The following FRMPD4 variants were observed in gnomAD, a reference collection of about 807,000 sequenced individuals.
FRMPD4 encodes the protein FERM and PDZ domain containing 4.
A neutral mutation model predicts 94.1 loss-of-function variants in FRMPD4; 22 were observed. The ratio of observed to expected loss-of-function variants is 0.23; its 90% CI spans 0.17 to 0.33. The LOEUF (loss-of-function observed/expected upper bound fraction) is 0.33, where lower values mean the gene tolerates loss of function less well. Ranked by LOEUF, FRMPD4 falls within the 10% of genes least tolerant of loss-of-function variation. FRMPD4 has a pLI of 1.00. For missense variants in FRMPD4, 1,111 were observed against 1,339.9 expected (o/e 0.83, Z 2.67); for synonymous variants, 631 against 548.6 (o/e 1.15, Z -2.10).
chrX:12,647,168 T>A (rs1470667588), intron 4 of FRMPD4, among the ~76,000 whole-genome samples: 2 of 112,202 alleles, frequency 1.8e-5, no homozygotes, highest in African/African-American at 6.5e-5. Context: ...TCCCTATGAC[T>A]AATTGATCTT....
At chrX:12,060,267 G>GTTT (rs368187952) in intron 3 of FRMPD4, among the ~76,000 whole-genome samples, 20 of 93,047 alleles carry the variant, frequency 2.1e-4, no homozygotes, top group African/African-American at 7.3e-4. Context: ...CTAGGAACTG[G>GTTT]TTTTTTTTTT....
intron 3 of FRMPD4, among the ~76,000 whole-genome samples, chrX:12,132,814 AT>A (rs2055563582): frequency 9.0e-6 from 1 of 110,661 alleles, no homozygotes; most frequent in South Asian, 3.8e-4. Flanking sequence ...ATGTAGGGTG[AT>A]TGTAAGGGTA....
At chrX:12,394,884 T>C (rs1010013254) in intron 1 of FRMPD4, among the ~76,000 whole-genome samples, 4 of 111,449 alleles carry the variant, frequency 3.6e-5, no homozygotes, top group African/African-American at 1.3e-4. Flanking sequence ...ACGGGGTAGG[T>C]AATGTTGCTC....
chrX:12,718,888 A>G, intron 16 of FRMPD4, 98 bp downstream of exon 16: 1 of 546,157 alleles, frequency 1.8e-6, no homozygotes, highest in Non-Finnish European at 3.1e-6. Context: ...GAAGAAAAGT[A>G]AAAGGTAGAA....
At chrX:12,550,720 A>C (rs2058526228) in intron 2 of FRMPD4, among the ~76,000 whole-genome samples, 1 of 110,809 alleles carries the variant, frequency 9.0e-6, no homozygotes, top group African/African-American at 3.3e-5. Flanking sequence ...TTGATTTAAT[A>C]ATACTCCTCA....
intron 3 of FRMPD4, among the ~76,000 whole-genome samples, chrX:12,065,780 G>A (rs2054915907): frequency 8.9e-6 from 1 of 112,218 alleles, no homozygotes; most frequent in Non-Finnish European, 1.9e-5. Flanking sequence ...TTGAAGGAAG[G>A]CTCTCTTTTG....
intron 1 of FRMPD4, among the ~76,000 whole-genome samples, chrX:12,175,788 A>G: frequency 8.9e-6 from 1 of 111,894 alleles, no homozygotes; most frequent in Non-Finnish European, 1.9e-5. Flanking sequence ...TGCTAGGATT[A>G]CAGGCATGAG....
chrX:12,509,773 A>T (rs758989094), intron 2 of FRMPD4, among the ~76,000 whole-genome samples: 11 of 112,168 alleles, frequency 9.8e-5, no homozygotes, highest in Non-Finnish European at 1.7e-4. Context: ...CATTTAGGTA[A>T]AGCCTTTATT....
intron 1 of FRMPD4, among the ~76,000 whole-genome samples, chrX:12,169,137 A>G (rs1437493937): frequency 8.9e-6 from 1 of 112,349 alleles, no homozygotes; most frequent in Admixed American, 9.4e-5. Context: ...TGAGAAGAAG[A>G]TTGTTCAAAA....
intron 8 of FRMPD4, among the ~76,000 whole-genome samples, chrX:12,693,293 G>A (rs1029527129): frequency 3.6e-5 from 4 of 111,916 alleles, no homozygotes; most frequent in Non-Finnish European, 7.5e-5. Flanking sequence ...AAGGGAAATC[G>A]ATGAGCTCTT....
At chrX:12,117,412 G>A (rs747541377) in intron 3 of FRMPD4, among the ~76,000 whole-genome samples, 6 of 110,473 alleles carry the variant, frequency 5.4e-5, no homozygotes, top group Non-Finnish European at 7.6e-5. Context: ...AATGTTGCCC[G>A]TAGAGTCTAT....
At chrX:12,060,049 G>C (rs1384069022) in intron 3 of FRMPD4, among the ~76,000 whole-genome samples, 4 of 111,368 alleles carry the variant, frequency 3.6e-5, no homozygotes, top group Non-Finnish European at 7.5e-5. Flanking sequence ...ACACCTTGGA[G>C]AGAATGGGAG....
intron 1 of FRMPD4, among the ~76,000 whole-genome samples, chrX:12,486,894 A>G: frequency 8.9e-6 from 1 of 112,323 alleles, no homozygotes; most frequent in African/African-American, 3.2e-5. Flanking sequence ...GATTGAAAAA[A>G]TATCAATGAA....
intron 1 of FRMPD4, among the ~76,000 whole-genome samples, chrX:12,302,676 A>C (rs1398508114): frequency 8.9e-6 from 1 of 111,780 alleles, no homozygotes; most frequent in African/African-American, 3.3e-5. Context: ...CTACCTTCTG[A>C]TAAGCTTAAG....
chrX:12,003,809 C>A (rs1906923091), intron 3 of FRMPD4, among the ~76,000 whole-genome samples: 1 of 112,254 alleles, frequency 8.9e-6, no homozygotes, highest in South Asian at 3.7e-4. Context: ...ATTCATCCAC[C>A]CAAATATACA....
At chrX:12,501,508 C>T (rs182490242) in intron 2 of FRMPD4, among the ~76,000 whole-genome samples, 20 of 105,519 alleles carry the variant, frequency 1.9e-4, no homozygotes, top group Non-Finnish European at 2.7e-4. Context: ...TCAGAGTTCT[C>T]GGGAGCCCAG....
chrX:12,480,315 A>G (rs1260884818), intron 1 of FRMPD4, among the ~76,000 whole-genome samples: 1 of 88,933 alleles, frequency 1.1e-5, no homozygotes, highest in Middle Eastern at 4.7e-3. Flanking sequence ...GGCAGACACT[A>G]CAGAAATGAA....
chrX:12,694,544 T>C, intron 9 of FRMPD4, 90 bp downstream of exon 9: 1 of 664,073 alleles, frequency 1.5e-6, no homozygotes, highest in Non-Finnish European at 2.3e-6. Flanking sequence ...TTGAAATCTT[T>C]CTTTTTTGTC....
intron 3 of FRMPD4, among the ~76,000 whole-genome samples, chrX:12,053,663 G>A (rs1463721194): frequency 8.9e-6 from 1 of 111,766 alleles, no homozygotes; most frequent in Non-Finnish European, 1.9e-5. Context: ...ATTGTGGCCA[G>A]TTCTTAAGCC....
Sources: allele counts gnomAD v4.1 joint callset (sites outside exome capture counted in the v4.1 genomes callset), GRCh38; gene constraint gnomAD v4.1.1; transcripts MANE v1.5; gene names NCBI Gene and HGNC (gene_info 2026-07-23, HGNC 2026-07-21).